Variants in WDR27 observed in about 807,000 individuals in gnomAD.
WDR27 encodes the protein WD repeat domain 27.
Under a neutral mutation model 114.4 loss-of-function variants are expected in WDR27, and 100 were observed. The observed-to-expected ratio is 0.87, with a 90% CI of 0.74 to 1.03. The LOEUF (loss-of-function observed/expected upper bound fraction) is 1.03, where lower values mean the gene tolerates loss of function less well. Ranked by LOEUF, WDR27 falls within the 50% of genes least tolerant of loss-of-function variation. The probability of loss-of-function intolerance (pLI) is 0.00; values close to 1 mark genes in which losing one functional copy is unlikely to be tolerated. For missense variants in WDR27, 1,129 were observed against 1,092.9 expected (o/e 1.03, Z -0.47); for synonymous variants, 449 against 423.1 (o/e 1.06, Z -0.75).
chr6:169,540,525 G>A (rs182349694), intron 25 of WDR27, among the ~76,000 whole-genome samples: 42 of 151,872 alleles, frequency 2.8e-4, no homozygotes, highest in African/African-American at 8.5e-4. Context: ...TGCCTCCCGA[G>A]TTCAAGCAAT....
chr6:169,645,008 C>CA (rs1194294838), intron 16 of WDR27, among the ~76,000 whole-genome samples: 221 of 8,000 alleles, frequency 0.028, 10 homozygotes, highest in Admixed American at 0.043. Flanking sequence ...GACTCCGTCT[C>CA]AAAAAAAAAA....
chr6:169,451,764 A>T, the WDR27 span, among the ~76,000 whole-genome samples: 3 of 152,102 alleles, frequency 2.0e-5, no homozygotes, highest in African/African-American at 7.2e-5. Context: ...TTTAATTTGC[A>T]TTTTCCTAAT....
At chr6:169,615,235 T>G (rs560996191) in intron 21 of WDR27, among the ~76,000 whole-genome samples, 2 of 152,294 alleles carry the variant, frequency 1.3e-5, no homozygotes, top group African/African-American at 4.8e-5. Flanking sequence ...TTATTTCACT[T>G]TTGTTTTAGG....
At chr6:169,480,666 G>A (rs1787896947) in intron 25 of WDR27, among the ~76,000 whole-genome samples, 1 of 152,062 alleles carries the variant, frequency 6.6e-6, no homozygotes, top group East Asian at 1.9e-4. Context: ...CTAGCTAGAG[G>A]ATTGTAAATG....
At chr6:169,642,247 A>C (rs1819378584) in intron 17 of WDR27, among the ~76,000 whole-genome samples, 1 of 152,210 alleles carries the variant, frequency 6.6e-6, no homozygotes, top group African/African-American at 2.4e-5. Flanking sequence ...TAAACGTTAC[A>C]CACCCAAAGT....
At chr6:169,621,266 GCATA>G (rs1813073366) in intron 21 of WDR27, among the ~76,000 whole-genome samples, 1 of 147,416 alleles carries the variant, frequency 6.8e-6, no homozygotes, top group African/African-American at 2.5e-5. Flanking sequence ...ATACATTCAT[GCATA>G]CACACACACA....
At chr6:169,511,490 C>T (rs1447280114) in intron 25 of WDR27, among the ~76,000 whole-genome samples, 1 of 147,326 alleles carries the variant, frequency 6.8e-6, no homozygotes, top group African/African-American at 2.4e-5. Context: ...TGTTGCCTTC[C>T]CCCCAAAATA....
intron 2 of WDR27, among the ~76,000 whole-genome samples, chr6:169,677,684 G>A (rs1780418011): frequency 1.3e-5 from 2 of 152,242 alleles, no homozygotes; most frequent in South Asian, 4.1e-4. Context: ...AGACATTCCA[G>A]ATATCTCCAA....
chr6:169,603,146 T>C (rs543400017), intron 22 of WDR27, among the ~76,000 whole-genome samples: 44 of 143,034 alleles, frequency 3.1e-4, no homozygotes, highest in African/African-American at 1.2e-3. Flanking sequence ...CTAGCCAAGA[T>C]AATTCTTTTT....
chr6:169,549,610 GA>G (rs1797850361), intron 25 of WDR27, among the ~76,000 whole-genome samples: 1 of 152,218 alleles, frequency 6.6e-6, no homozygotes, highest in African/African-American at 2.4e-5. Flanking sequence ...TGCAAAATAT[GA>G]AAGCTACAAA....
intron 6 of WDR27, chr6:169,666,596 C>T (rs1479406726): frequency 6.1e-6 from 6 of 985,428 alleles, no homozygotes; most frequent in African/African-American, 1.7e-5. Flanking sequence ...TGCCGTGCTC[C>T]GCGGACGGAC....
rs900749385 is a variant in WDR27, at chr6:169,659,995, G to A, written c.1130-477C>T. Among the ~76,000 whole-genome samples, 2 of 151,958 alleles carry A rather than the reference G, an allele frequency of 1.3e-5. No homozygotes were observed. The highest frequency in any genetic ancestry group is 6.6e-5 in the Admixed American group (1 of 15,246). ...CAGATGCATCCCACAGCCCCACAGA[G>A]GTCTGAGCGTTCAGGGCTAGAAAGG... is the stretch of plus-strand genomic sequence containing the variant. On this transcript the variant is annotated intron_variant, in intron 10 of 25. Transcript: ENST00000448612. This position sits in a 1 kb window ranked among gnomAD's most constrained non-coding sequence, Gnocchi z 4.3.
chr6:169,551,750 A>G (rs1199351863), intron 25 of WDR27, among the ~76,000 whole-genome samples: 17 of 143,986 alleles, frequency 1.2e-4, no homozygotes, highest in African/African-American at 3.2e-4. Context: ...AAAAAAAAAA[A>G]AAAAAGAAAA....
chr6:169,564,957 C>A (rs192213961), intron 25 of WDR27, among the ~76,000 whole-genome samples: 1 of 152,186 alleles, frequency 6.6e-6, no homozygotes, highest in Non-Finnish European at 1.5e-5. Context: ...GTTAAGTGAC[C>A]ATGCCAGGGA....
In WDR27 at chr6:169,688,908, T is replaced by C. The variant is rs373464244; in HGVS notation, c.98A>G (p.His33Arg). ...CTGCATGCTGCAAGCAAGCTGAACA[T>C]GAGACACAGACTCCTTGGATTCAAC... ...YLVESKESVS[H>R]VQLACSMQDC... Residue 33 changes from histidine (H) to arginine (R), a missense_variant, in exon 2 of 26, where the codon CAT becomes CGT. By Grantham distance (29) the His-to-Arg change is conservative (BLOSUM62 0). Transcript: ENST00000448612. The C allele has an allele frequency of 5.6e-6, 9 of 1,613,860 alleles. No individual in the cohort carries two copies. The African/African-American group carries it at 6.7e-5, about 12-fold the overall frequency.
chr6:169,462,316 A>C (rs1351472302), intron 25 of WDR27, among the ~76,000 whole-genome samples: 7 of 151,992 alleles, frequency 4.6e-5, no homozygotes, highest in Admixed American at 3.3e-4. Flanking sequence ...ACGTGCCTGT[A>C]ATCCCAGCTA....
chr6:169,515,980 A>C lies in WDR27; in HGVS notation c.2645+56439T>G, dbSNP rs552900168. Among the ~76,000 whole-genome samples, 3 of 152,264 alleles carry C rather than the reference A, an allele frequency of 2.0e-5. No individual in the cohort carries two copies. In the East Asian group the frequency reaches 5.8e-4, roughly 29 times the overall value. On this transcript the variant is annotated intron_variant, in intron 25 of 25. Coordinates refer to ENST00000448612, the MANE Select transcript of WDR27 (RefSeq NM_182552.5). ...ATGAGTTGAATGTAATCAATCATTCAATAACTTCAATGTGAATAAGTAACT... is the reference window on the plus strand; with the variant it reads ...ATGAGTTGAATGTAATCAATCATTCCATAACTTCAATGTGAATAAGTAACT...
intron 25 of WDR27, among the ~76,000 whole-genome samples, chr6:169,561,485 T>G (rs1341011208): frequency 3.9e-5 from 6 of 152,160 alleles, no homozygotes; most frequent in African/African-American, 1.4e-4. Flanking sequence ...TGAAGTGGTT[T>G]CATATCACTT....
chr6:169,482,830 C>T (rs1788374042), intron 25 of WDR27, among the ~76,000 whole-genome samples: 1 of 152,140 alleles, frequency 6.6e-6, no homozygotes, highest in Admixed American at 6.6e-5. Context: ...ATCATACCAA[C>T]TACTCTCTCT....
Sources: allele counts gnomAD v4.1 joint callset (sites outside exome capture counted in the v4.1 genomes callset), GRCh38; gene constraint gnomAD v4.1.1; non-coding constraint Gnocchi (gnomAD v3.1); transcripts MANE v1.5; gene names NCBI Gene and HGNC (gene_info 2026-07-23, HGNC 2026-07-21).